RASAL2: variants seen among roughly 807,000 people sequenced by gnomAD.
RASAL2 encodes the protein RAS protein activator like 2.
Under a neutral mutation model 128.9 loss-of-function variants are expected in RASAL2, and 58 were observed. The ratio of observed to expected loss-of-function variants is 0.45; its 90% CI spans 0.36 to 0.56. RASAL2 has a LOEUF of 0.56. Among genes scored for constraint, RASAL2 ranks in the 20% least tolerant of loss-of-function variants. The pLI, the probability that RASAL2 is intolerant of heterozygous loss-of-function variation, is 0.00. For synonymous variants in RASAL2, 561 were observed against 580.8 expected, an observed-to-expected ratio of 0.97 and a Z score of 0.49; for missense variants, 1,360 against 1,601.6, an observed-to-expected ratio of 0.85 and a Z score of 2.57.
At chr1:178,188,360 T>G (rs1488294389) in intron 1 of RASAL2, among the ~76,000 whole-genome samples, 1 of 152,162 alleles carries the variant, frequency 6.6e-6, no homozygotes, top group African/African-American at 2.4e-5. Context: ...TGACTCCTGC[T>G]TAAAATCTGG....
intron 17 of RASAL2, among the ~76,000 whole-genome samples, chr1:178,469,262 A>C (rs1648039537): frequency 6.6e-6 from 1 of 152,122 alleles, no homozygotes; most frequent in African/African-American, 2.4e-5. Flanking sequence ...GCGCCAGTGC[A>C]CTATAGCCTG....
chr1:178,248,269 T>C (rs61813809), intron 1 of RASAL2, among the ~76,000 whole-genome samples: 5,427 of 152,330 alleles, frequency 0.036, 125 homozygotes, highest in Middle Eastern at 0.075. Flanking sequence ...TGACTGCTTA[T>C]ATATTTAGGA....
intron 1 of RASAL2, among the ~76,000 whole-genome samples, chr1:178,252,314 A>G (rs964176677): frequency 1.3e-5 from 2 of 152,090 alleles, no homozygotes; most frequent in Non-Finnish European, 2.9e-5. Context: ...TAGTATACTC[A>G]CTCTGAAATC....
intron 3 of RASAL2, among the ~76,000 whole-genome samples, chr1:178,304,052 C>A (rs1346971955): frequency 1.3e-5 from 2 of 152,042 alleles, no homozygotes; most frequent in African/African-American, 4.8e-5. Context: ...TGTGATAATT[C>A]ATTGAGCATA....
intron 1 of RASAL2, among the ~76,000 whole-genome samples, chr1:178,226,784 A>G (rs1663805149): frequency 6.6e-6 from 1 of 152,148 alleles, no homozygotes; most frequent in Non-Finnish European, 1.5e-5. Context: ...CTACAAAAAT[A>G]CAAAAACTAG....
chr1:178,471,075 AATTACAGTC>A (rs1179143036), intron 17 of RASAL2, among the ~76,000 whole-genome samples: 1 of 152,212 alleles, frequency 6.6e-6, no homozygotes, highest in Non-Finnish European at 1.5e-5. Context: ...GGCAGTAAGT[AATTACAGTC>A]ATTCTTAGGC....
chr1:178,425,581 A>AT (rs369021367), intron 5 of RASAL2, among the ~76,000 whole-genome samples: 19 of 150,364 alleles, frequency 1.3e-4, no homozygotes, highest in East Asian at 5.9e-4. Flanking sequence ...AGGTAGAATT[A>AT]TTTTTTTTTT....
chr1:178,307,893 A>G (rs1668066109), intron 3 of RASAL2, among the ~76,000 whole-genome samples: 1 of 152,228 alleles, frequency 6.6e-6, no homozygotes. Flanking sequence ...AACATCATAA[A>G]CATGTTCATA....
At chr1:178,259,319 G>GTATTTT (rs1343610119) in intron 1 of RASAL2, among the ~76,000 whole-genome samples, 2 of 151,590 alleles carry the variant, frequency 1.3e-5, no homozygotes, top group African/African-American at 4.8e-5. Flanking sequence ...TTTTAGTAGA[G>GTATTTT]ACGGGGTTTC....
intron 5 of RASAL2, among the ~76,000 whole-genome samples, chr1:178,432,496 GT>G (rs1320873275): frequency 6.6e-6 from 1 of 152,028 alleles, no homozygotes; most frequent in Non-Finnish European, 1.5e-5. Context: ...CTCAGGTTAT[GT>G]TTTTAGGTTG....
chr1:178,095,855 G>A (rs1658661058), intron 1 of RASAL2, among the ~76,000 whole-genome samples: 1 of 152,010 alleles, frequency 6.6e-6, no homozygotes, highest in Non-Finnish European at 1.5e-5. Context: ...TCACATTTTT[G>A]GCTTGTGATT....
chr1:178,315,451 G>T (rs1668463252), intron 3 of RASAL2, among the ~76,000 whole-genome samples: 2 of 144,632 alleles, frequency 1.4e-5, no homozygotes, highest in Admixed American at 6.8e-5. Flanking sequence ...TCCAGCACCT[G>T]TCGTTTCCTG....
At chr1:178,286,318 A>T (rs1398383240) in intron 2 of RASAL2, among the ~76,000 whole-genome samples, 1 of 152,050 alleles carries the variant, frequency 6.6e-6, no homozygotes, top group East Asian at 1.9e-4. Context: ...CTCATACCAT[A>T]ATGTCTGTGA....
At chr1:178,452,726 TTGGGAG>T in intron 11 of RASAL2, 74 bp downstream of exon 11, 3 of 1,240,934 alleles carry the variant, frequency 2.4e-6, no homozygotes, top group Non-Finnish European at 3.5e-6. Flanking sequence ...TGGATGAGGG[TTGGGAG>T]CCTCATCACT....
intron 1 of RASAL2, among the ~76,000 whole-genome samples, chr1:178,144,365 C>T (rs1007776024): frequency 5.3e-5 from 8 of 152,150 alleles, no homozygotes; most frequent in Non-Finnish European, 8.8e-5. Context: ...TACAATTTCC[C>T]CTTTTTAAAA....
At chr1:178,246,624 A>G (rs1264224824) in intron 1 of RASAL2, among the ~76,000 whole-genome samples, 1 of 152,040 alleles carries the variant, frequency 6.6e-6, no homozygotes, top group African/African-American at 2.4e-5. Flanking sequence ...GTGGTGAGAG[A>G]GGGCATCCTT....
intron 1 of RASAL2, among the ~76,000 whole-genome samples, chr1:178,218,802 A>AT (rs1571648879): frequency 2.0e-5 from 3 of 152,206 alleles, no homozygotes; most frequent in African/African-American, 4.8e-5. Context: ...GGGCCCTAGG[A>AT]TTTTTTGGAA....
intron 1 of RASAL2, 120 bp downstream of exon 1, chr1:178,094,814 C>T: frequency 8.1e-7 from 1 of 1,232,224 alleles, no homozygotes; most frequent in Admixed American, 2.5e-5. Context: ...TTTCCCACAT[C>T]CCTTTTTGTT....
intron 1 of RASAL2, among the ~76,000 whole-genome samples, chr1:178,244,502 A>C (rs1244581541): frequency 6.6e-6 from 1 of 152,154 alleles, no homozygotes; most frequent in Non-Finnish European, 1.5e-5. Flanking sequence ...CGGCCTCCCA[A>C]AGTGCTGGGA....
Sources: allele counts gnomAD v4.1 joint callset (sites outside exome capture counted in the v4.1 genomes callset), GRCh38; gene constraint gnomAD v4.1.1; transcripts MANE v1.5; gene names NCBI Gene and HGNC (gene_info 2026-07-23, HGNC 2026-07-21).